Variants in LEKR1 observed in about 807,000 individuals in gnomAD.
The protein encoded by LEKR1 is protein LEKR1.
In LEKR1, 59 loss-of-function variants were observed where a neutral mutation model predicts 72.4. The ratio of observed to expected loss-of-function variants is 0.82; its 90% CI spans 0.66 to 1.01. LEKR1 has a LOEUF of 1.01. Ranked by LOEUF, LEKR1 falls within the 50% of genes least tolerant of loss-of-function variation. The probability of loss-of-function intolerance (pLI) is 0.00; values close to 1 mark genes in which losing one functional copy is unlikely to be tolerated. For synonymous variants in LEKR1, 257 were observed against 263.2 expected (o/e 0.98, Z 0.23); for missense variants, 728 against 759.2 (o/e 0.96, Z 0.48).
chr3:156,888,152 C>T, intron 3 of LEKR1: 1 of 593,734 alleles, frequency 1.7e-6, no homozygotes, highest in Non-Finnish European at 3.0e-6. Flanking sequence ...TAGGAGGGCT[C>T]AAAGAAGGTA....
At chr3:157,031,103 C>T (rs925080072) in intron 12 of LEKR1, among the ~76,000 whole-genome samples, 4 of 151,996 alleles carry the variant, frequency 2.6e-5, no homozygotes, top group Non-Finnish European at 5.9e-5. Context: ...ATTAAGGGGG[C>T]GTTTTAAAGG....
intron 4 of LEKR1, among the ~76,000 whole-genome samples, chr3:156,922,415 GAAA>G (rs757159527): frequency 7.3e-6 from 1 of 137,760 alleles, no homozygotes. Flanking sequence ...AATGTGGGAT[GAAA>G]AAAAAAAAAG....
chr3:156,996,042 A>G (rs908927334), intron 9 of LEKR1, among the ~76,000 whole-genome samples: 7 of 152,072 alleles, frequency 4.6e-5, no homozygotes, highest in Non-Finnish European at 1.0e-4. Context: ...TGAATGGATC[A>G]CTTTGGGTAA....
intron 3 of LEKR1, among the ~76,000 whole-genome samples, chr3:156,904,128 C>G (rs553930246): frequency 1.3e-5 from 2 of 152,298 alleles, no homozygotes; most frequent in African/African-American, 4.8e-5. Flanking sequence ...CCAACGCCTA[C>G]TGGGCATTGT....
intron 6 of LEKR1, among the ~76,000 whole-genome samples, chr3:156,974,849 AC>A (rs1197386603): frequency 1.3e-5 from 2 of 152,164 alleles, no homozygotes; most frequent in Admixed American, 1.3e-4. Context: ...GAAGAAAAAG[AC>A]AATTAACACT....
chr3:157,008,413 T>G (rs746420475), intron 9 of LEKR1, among the ~76,000 whole-genome samples: 3 of 152,248 alleles, frequency 2.0e-5, no homozygotes, highest in Non-Finnish European at 2.9e-5. Flanking sequence ...AAATAAATTT[T>G]GAGTAGATAC....
chr3:156,935,667 A>G (rs958501932), intron 5 of LEKR1, among the ~76,000 whole-genome samples: 2 of 152,206 alleles, frequency 1.3e-5, no homozygotes, highest in Non-Finnish European at 2.9e-5. Flanking sequence ...TCCCACTTAC[A>G]TGAAAAGATG....
chr3:156,957,213 C>T (rs548097411), intron 6 of LEKR1, among the ~76,000 whole-genome samples: 8 of 152,026 alleles, frequency 5.3e-5, no homozygotes, highest in East Asian at 3.9e-4. Context: ...TAGGACATTA[C>T]GCAGACTTTT....
chr3:156,924,415 A>G, intron 4 of LEKR1: 1 of 572,972 alleles, frequency 1.7e-6, no homozygotes, highest in African/African-American at 1.9e-5. Context: ...CCAGTGGCTT[A>G]TCTTTTTATT....
At chr3:156,957,737 A>G (rs1383685647) in intron 6 of LEKR1, among the ~76,000 whole-genome samples, 2 of 152,106 alleles carry the variant, frequency 1.3e-5, no homozygotes, top group Admixed American at 6.6e-5. Context: ...TCTAAAAGGC[A>G]GTATAATTGC....
At chr3:157,018,820 A>G (rs1345045170) in intron 10 of LEKR1, among the ~76,000 whole-genome samples, 1 of 152,202 alleles carries the variant, frequency 6.6e-6, no homozygotes, top group Non-Finnish European at 1.5e-5. Flanking sequence ...AAAAGAGTTA[A>G]TATATAGAAA....
intron 3 of LEKR1, among the ~76,000 whole-genome samples, chr3:156,869,958 G>A (rs1311494425): frequency 6.6e-6 from 1 of 152,002 alleles, no homozygotes; most frequent in Admixed American, 6.6e-5. Flanking sequence ...TTATTGAAGA[G>A]GGTGTCCTTT....
chr3:156,847,083 C>T (rs777578167), intron 2 of LEKR1, among the ~76,000 whole-genome samples: 45 of 152,172 alleles, frequency 3.0e-4, no homozygotes, highest in Non-Finnish European at 2.2e-4. Context: ...GCTGGGATCA[C>T]AGGTGTAAGC....
intron 2 of LEKR1, chr3:156,852,150 A>G (rs1008562008): frequency 6.6e-6 from 1 of 152,230 alleles, no homozygotes; most frequent in African/African-American, 2.4e-5. Flanking sequence ...ATTTAACTTC[A>G]GTAGTCTCAG....
At chr3:156,858,674 CA>C (rs796279918) in intron 3 of LEKR1, among the ~76,000 whole-genome samples, 2,039 of 122,012 alleles carry the variant, frequency 0.017, 34 homozygotes, top group African/African-American at 0.049. Context: ...GACCCTGTCT[CA>C]AAAAAAAAAA....
At chr3:156,949,615 T>C (rs1431843916) in intron 6 of LEKR1, among the ~76,000 whole-genome samples, 1 of 151,304 alleles carries the variant, frequency 6.6e-6, no homozygotes, top group African/African-American at 2.4e-5. Flanking sequence ...GGGCCTTAGT[T>C]TCTTTATTTA....
chr3:156,972,767 A>G (rs1729347353), intron 6 of LEKR1, among the ~76,000 whole-genome samples: 1 of 151,340 alleles, frequency 6.6e-6, no homozygotes, highest in Non-Finnish European at 1.5e-5. Flanking sequence ...TGAGTAAAAT[A>G]ATTTAAAATA....
chr3:156,903,759 C>A (rs6795327), intron 3 of LEKR1, among the ~76,000 whole-genome samples: 25,222 of 152,146 alleles, frequency 0.17, 2,497 homozygotes, highest in African/African-American at 0.26. Flanking sequence ...GTCCACAGTT[C>A]ATAAGTTTTA....
intron 4 of LEKR1, chr3:156,924,664 C>T: frequency 2.3e-6 from 1 of 434,254 alleles, no homozygotes; most frequent in Admixed American, 4.1e-5. Flanking sequence ...CATCCTGTTT[C>T]ACGTGGATAT....
Sources: allele counts gnomAD v4.1 joint callset (sites outside exome capture counted in the v4.1 genomes callset), GRCh38; gene constraint gnomAD v4.1.1; transcripts MANE v1.5; gene names NCBI Gene and HGNC (gene_info 2026-07-23, HGNC 2026-07-21).